RTL4: variants seen among roughly 807,000 people sequenced by gnomAD.
RTL4 encodes retrotransposon Gag like 4, also known as retrotransposon Gag-like protein 4.
Under a neutral mutation model 5.3 loss-of-function variants are expected in RTL4, and 4 were observed. The ratio of observed to expected loss-of-function variants is 0.75; its 90% CI spans 0.37 to 1.72. The LOEUF (loss-of-function observed/expected upper bound fraction) is 1.72. Among genes scored for constraint, RTL4 ranks in the 40% most tolerant of loss-of-function variants. RTL4 has a pLI of 0.04. For synonymous variants in RTL4, 98 were observed against 87.3 expected (o/e 1.12, Z -0.68); for missense variants, 260 against 227.1 (o/e 1.14, Z -0.93).
At chrX:112,165,029 C>G in the RTL4 span, among the ~76,000 whole-genome samples, 5 of 111,799 alleles carry the variant, frequency 4.5e-5, no homozygotes, top group African/African-American at 1.6e-4. Flanking sequence ...TGCCATTTCT[C>G]TGTCCTTTCC....
chrX:112,187,041 G>A, the RTL4 span, among the ~76,000 whole-genome samples: 7 of 111,714 alleles, frequency 6.3e-5, no homozygotes, highest in Non-Finnish European at 1.1e-4. Context: ...ACATTTGTTG[G>A]ATAGGGAGTG....
the RTL4 span, among the ~76,000 whole-genome samples, chrX:112,096,030 G>C: frequency 8.9e-6 from 1 of 111,826 alleles, no homozygotes; most frequent in Admixed American, 9.4e-5. Flanking sequence ...CAAATGACAG[G>C]TGCCTTAAAG....
At chrX:112,305,262 T>C in the RTL4 span, among the ~76,000 whole-genome samples, 2 of 109,580 alleles carry the variant, frequency 1.8e-5, no homozygotes, top group African/African-American at 6.6e-5. Context: ...GTTCAAGTGA[T>C]TCTCCTGCCT....
At chrX:112,445,616 T>C in the RTL4 span, among the ~76,000 whole-genome samples, 4 of 111,677 alleles carry the variant, frequency 3.6e-5, no homozygotes, top group East Asian at 8.5e-4. Context: ...CACATTCTTA[T>C]ATCTCGGACT....
At chrX:112,097,481 C>T in the RTL4 span, among the ~76,000 whole-genome samples, 3 of 110,485 alleles carry the variant, frequency 2.7e-5, no homozygotes, top group Admixed American at 2.9e-4. Flanking sequence ...ACAAAAAATA[C>T]AAAAATTAGC....
chrX:112,317,242 G>A, the RTL4 span, among the ~76,000 whole-genome samples: 1 of 111,851 alleles, frequency 8.9e-6, no homozygotes, highest in African/African-American at 3.3e-5. Context: ...TCGGAAGACT[G>A]AGGCAGGAGA....
At chrX:112,186,069 G>C in the RTL4 span, among the ~76,000 whole-genome samples, 1 of 111,125 alleles carries the variant, frequency 9.0e-6, no homozygotes, top group Admixed American at 9.6e-5. Flanking sequence ...GATGATGTAG[G>C]TGACCTGCAG....
chrX:112,175,630 G>A, the RTL4 span, among the ~76,000 whole-genome samples: 4 of 110,708 alleles, frequency 3.6e-5, no homozygotes, highest in Non-Finnish European at 7.6e-5. Context: ...GTCATTGGTA[G>A]CTTGATTATC....
the RTL4 span, among the ~76,000 whole-genome samples, chrX:112,281,662 AT>A: frequency 9.1e-6 from 1 of 109,844 alleles, no homozygotes. Context: ...GTTGTCTTTC[AT>A]TTTTTTTACA....
the RTL4 span, among the ~76,000 whole-genome samples, chrX:112,098,212 T>G: frequency 9.4e-6 from 1 of 106,836 alleles, no homozygotes; most frequent in Middle Eastern, 4.7e-3. Context: ...ATGCAGTGTT[T>G]GGTTTTTTCT....
the RTL4 span, among the ~76,000 whole-genome samples, chrX:112,348,501 C>A: frequency 3.6e-5 from 4 of 109,710 alleles, no homozygotes; most frequent in South Asian, 1.6e-3. Context: ...AACACACACA[C>A]ACACACATAC....
chrX:112,417,019 G>A, the RTL4 span, among the ~76,000 whole-genome samples: 2 of 111,877 alleles, frequency 1.8e-5, no homozygotes, highest in African/African-American at 6.5e-5. Flanking sequence ...ACATATCAGT[G>A]ATGGATGCTC....
chrX:112,434,009 G>C, the RTL4 span, among the ~76,000 whole-genome samples: 2 of 89,529 alleles, frequency 2.2e-5, no homozygotes, highest in African/African-American at 4.3e-5. Flanking sequence ...TTTTGTCTTT[G>C]GCTCTGTTTA....
At chrX:112,218,486 G>A in the RTL4 span, among the ~76,000 whole-genome samples, 1 of 111,705 alleles carries the variant, frequency 9.0e-6, no homozygotes, top group African/African-American at 3.3e-5. Context: ...TCCATTGTCT[G>A]CCCACTGGCA....
chrX:112,375,756 C>T, the RTL4 span, among the ~76,000 whole-genome samples: 770 of 111,354 alleles, frequency 6.9e-3, 8 homozygotes, highest in African/African-American at 0.024. Flanking sequence ...GGAGTGATGA[C>T]GGTAGAATGC....
chrX:112,284,500 C>A, the RTL4 span, among the ~76,000 whole-genome samples: 2 of 111,017 alleles, frequency 1.8e-5, no homozygotes, highest in African/African-American at 6.6e-5. Context: ...GTGGTTGTAA[C>A]CTTCAACAAA....
the RTL4 span, among the ~76,000 whole-genome samples, chrX:112,193,966 T>G: frequency 9.0e-6 from 1 of 111,674 alleles, no homozygotes; most frequent in Non-Finnish European, 1.9e-5. Context: ...CCTTAGTATT[T>G]AATCAGTCCC....
the RTL4 span, among the ~76,000 whole-genome samples, chrX:112,332,951 A>C: frequency 8.1e-5 from 9 of 111,087 alleles, no homozygotes; most frequent in African/African-American, 3.0e-4. Context: ...TATAATTGTT[A>C]CATCTCATTT....
chrX:112,350,196 T>G, the RTL4 span, among the ~76,000 whole-genome samples: 6 of 110,820 alleles, frequency 5.4e-5, no homozygotes, highest in Non-Finnish European at 7.6e-5. Context: ...AACCAGCCTT[T>G]CATCCCAGGG....
Sources: gnomAD v4.1 joint callset for allele counts (sites outside exome capture counted in the v4.1 genomes callset) on GRCh38, gnomAD v4.1.1 for gene constraint, MANE v1.5 for transcripts, NCBI Gene and HGNC (gene_info 2026-07-23, HGNC 2026-07-21) for gene names.